Variants in USP28 observed in about 807,000 individuals in gnomAD.
The protein encoded by USP28 is ubiquitin carboxyl-terminal hydrolase 28.
In USP28, 113 loss-of-function variants were observed where a neutral mutation model predicts 145.0. That is an observed-to-expected ratio of 0.78 (90% confidence interval 0.67 to 0.91). The LOEUF (loss-of-function observed/expected upper bound fraction) is 0.91, where lower values mean the gene tolerates loss of function less well. Among genes scored for constraint, USP28 ranks in the 40% least tolerant of loss-of-function variants. The pLI is 0.00. For missense variants in USP28, 1,201 were observed against 1,289.6 expected (o/e 0.93, Z 1.05); for synonymous variants, 447 against 450.9 (o/e 0.99, Z 0.11).
chr11:113,802,370 GTA>G (rs1413154238), intron 23 of USP28, among the ~76,000 whole-genome samples: 1 of 152,196 alleles, frequency 6.6e-6, no homozygotes, highest in Non-Finnish European at 1.5e-5. Flanking sequence ...AAGCTATTGA[GTA>G]TATGTCATGA....
chr11:113,852,654 A>G, intron 2 of USP28, 21 bp from the exon 3 acceptor site: 1 of 1,612,730 alleles, frequency 6.2e-7, no homozygotes, highest in Non-Finnish European at 8.5e-7. Flanking sequence ...AAAAGACAAT[A>G]GAAATTTCAA....
exon 18 of USP28, chr11:113,808,433 A>G: frequency 6.2e-7 from 1 of 1,614,036 alleles, no homozygotes; most frequent in Non-Finnish European, 8.5e-7. Flanking sequence ...AGGCTACTGA[A>G]GGCTCTGATA....
intron 1 of USP28, among the ~76,000 whole-genome samples, chr11:113,863,797 T>C (rs1440508926): frequency 1.3e-5 from 2 of 149,880 alleles, no homozygotes; most frequent in Non-Finnish European, 2.9e-5. Context: ...TACAAAAAAT[T>C]AGCCGGGCAT....
At chr11:113,872,296 C>T (rs868117583) in intron 1 of USP28, among the ~76,000 whole-genome samples, 1 of 152,026 alleles carries the variant, frequency 6.6e-6, no homozygotes, top group Non-Finnish European at 1.5e-5. Context: ...ACCATCCTGG[C>T]GAACACTGTG....
At chr11:113,868,844 G>T (rs1167631888) in intron 1 of USP28, among the ~76,000 whole-genome samples, 1 of 150,770 alleles carries the variant, frequency 6.6e-6, no homozygotes, top group Non-Finnish European at 1.5e-5. Context: ...AATTGCTTGG[G>T]CCCAGGAGGT....
chr11:113,803,195 T>G, exon 23 of USP28: 1 of 1,614,106 alleles, frequency 6.2e-7, no homozygotes. Flanking sequence ...AATCACGGAT[T>G]CTTTGACCCC....
At chr11:113,829,025 C>A in intron 10 of USP28, 172 bp downstream of exon 10, 1 of 841,674 alleles carries the variant, frequency 1.2e-6, no homozygotes. Flanking sequence ...AATTATTTAT[C>A]AAAGTACTGA....
exon 13 of USP28, chr11:113,817,801 C>A: frequency 1.2e-6 from 2 of 1,614,110 alleles, no homozygotes; most frequent in Non-Finnish European, 1.7e-6. Flanking sequence ...TGTCCGGGAG[C>A]GGGAACCGAG....
intron 1 of USP28, among the ~76,000 whole-genome samples, chr11:113,859,168 T>C (rs536160405): frequency 7.9e-5 from 12 of 152,276 alleles, no homozygotes; most frequent in Admixed American, 3.3e-4. Context: ...CACATCACCA[T>C]ACCTGGCTTA....
intron 1 of USP28, among the ~76,000 whole-genome samples, chr11:113,867,359 C>T (rs999927140): frequency 1.3e-5 from 2 of 151,964 alleles, no homozygotes; most frequent in African/African-American, 4.8e-5. Context: ...CGCTGCCTCC[C>T]GGGTTCAAGT....
chr11:113,853,778 C>T (rs891874555), intron 2 of USP28, among the ~76,000 whole-genome samples: 1 of 149,950 alleles, frequency 6.7e-6, no homozygotes, highest in African/African-American at 2.5e-5. Flanking sequence ...GGGAGGCTGA[C>T]TGAGGTGGGA....
At chr11:113,852,747 T>A in intron 2 of USP28, 114 bp from the exon 3 acceptor site, 1 of 1,206,530 alleles carries the variant, frequency 8.3e-7, no homozygotes, top group Non-Finnish European at 1.2e-6. Flanking sequence ...GGCATAATTC[T>A]AGGGTAGAAT....
chr11:113,874,182 T>C (rs1016979915), intron 1 of USP28, among the ~76,000 whole-genome samples: 26 of 143,106 alleles, frequency 1.8e-4, no homozygotes, highest in Non-Finnish European at 6.0e-5. Context: ...CTGGGCGCGG[T>C]GGCTCACGCC....
At chr11:113,802,375 T>C (rs757846056) in intron 23 of USP28, among the ~76,000 whole-genome samples, 12 of 152,230 alleles carry the variant, frequency 7.9e-5, no homozygotes, top group Non-Finnish European at 1.6e-4. Flanking sequence ...ATTGAGTATA[T>C]GTCATGACTT....
intron 13 of USP28, among the ~76,000 whole-genome samples, chr11:113,816,511 C>CAAAA (rs1941761505): frequency 6.6e-6 from 1 of 151,962 alleles, no homozygotes; most frequent in South Asian, 2.1e-4. Flanking sequence ...GACTCCATCT[C>CAAAA]AAAAAAACAA....
In USP28 at chr11:113,853,301, C is replaced by CAA. The variant is rs35806711; in HGVS notation, c.136-670_136-669dup. Among the ~76,000 whole-genome samples the CAA allele has an allele frequency of 1.6e-3, 89 of 54,962 alleles. 4 individuals carry two copies. Among genetic ancestry groups the CAA allele is most frequent in the African/African-American group, 6.2e-3 (82 of 13,156 alleles). The allele number at this position is 54,962 out of a possible 152,430, so 36.1% of individuals were successfully genotyped here. On this transcript the variant is annotated intron_variant, in intron 2 of 24. Coordinates refer to ENST00000003302, the Ensembl canonical transcript of USP28. ...CTGAGTGAGATCCTGTCTCCTGTCT[C>CAA]AAAAAAAAAAAAAAAAAAAAAAAAA...
At chr11:113,862,302 G>T (rs942236538) in intron 1 of USP28, among the ~76,000 whole-genome samples, 6 of 152,158 alleles carry the variant, frequency 3.9e-5, no homozygotes, top group Non-Finnish European at 5.9e-5. Flanking sequence ...AGCTGAGACT[G>T]CGCCACTGTA....
At chr11:113,860,904 G>T (rs1356622478) in intron 1 of USP28, among the ~76,000 whole-genome samples, 6 of 151,842 alleles carry the variant, frequency 4.0e-5, no homozygotes, top group Admixed American at 6.6e-5. Context: ...AGATCACGAG[G>T]TCAGGAGCCC....
intron 16 of USP28, 36 bp from the exon 17 acceptor site, chr11:113,809,290 A>G (rs530028584): frequency 2.5e-6 from 4 of 1,586,158 alleles, no homozygotes; most frequent in Admixed American, 1.8e-5. Flanking sequence ...AAAGGTCACA[A>G]GGAACGAAAA....
Sources: allele counts gnomAD v4.1 joint callset (sites outside exome capture counted in the v4.1 genomes callset), GRCh38; gene constraint gnomAD v4.1.1; transcripts MANE v1.5; gene names NCBI Gene and HGNC (gene_info 2026-07-23, HGNC 2026-07-21).